The following SOX5 variants were observed in gnomAD, a reference collection of about 807,000 sequenced individuals.
The protein encoded by SOX5 is SRY-box transcription factor 5.
Under a neutral mutation model 92.0 loss-of-function variants are expected in SOX5, and 9 were observed. The ratio of observed to expected loss-of-function variants is 0.10; its 90% CI spans 0.06 to 0.17. SOX5 has a LOEUF of 0.17. Ranked by LOEUF, SOX5 falls within the 10% of genes least tolerant of loss-of-function variation. The pLI is 1.00. For synonymous variants in SOX5, 344 were observed against 336.3 expected, an observed-to-expected ratio of 1.02 and a Z score of -0.25; for missense variants, 642 against 944.5, an observed-to-expected ratio of 0.68 and a Z score of 4.20.
chr12:23,704,171 G>A (rs563182118), intron 6 of SOX5, among the ~76,000 whole-genome samples: 5 of 151,480 alleles, frequency 3.3e-5, no homozygotes, highest in South Asian at 2.1e-4. Context: ...ATCTTCTAAC[G>A]CTTGTGTGTG....
At chr12:24,458,155 T>C (rs1456798829) in intron 1 of SOX5, among the ~76,000 whole-genome samples, 1 of 152,196 alleles carries the variant, frequency 6.6e-6, no homozygotes, top group African/African-American at 2.4e-5. Context: ...CGCCTCAGTG[T>C]CTGTTTTTTT....
intron 4 of SOX5, among the ~76,000 whole-genome samples, chr12:24,095,140 GAGAGAGAGAGAGAGAGACAGAGAC>G (rs1945218415): frequency 1.4e-5 from 2 of 147,162 alleles, no homozygotes; most frequent in South Asian, 2.1e-4. Context: ...GAGAGAGAGA[GAGAGAGAGAGAGAGAGACAGAGAC>G]AGAGAGACAG....
chr12:24,164,108 G>A (rs2063354597), intron 4 of SOX5, among the ~76,000 whole-genome samples: 1 of 151,926 alleles, frequency 6.6e-6, no homozygotes, highest in African/African-American at 2.4e-5. Flanking sequence ...TCTATAGTGA[G>A]GAAATATTCC....
At position 23,842,353 on chromosome 12, in the gene SOX5, T is replaced by C. The variant is rs61923965; in HGVS notation, c.481+3630A>G. Among the ~76,000 whole-genome samples the C allele has an allele frequency of 5.3e-3, 800 of 152,188 alleles. 7 individuals are homozygous for C. The highest frequency in any genetic ancestry group is 0.029 in the South Asian group (138 of 4,828). ...TGCAATAATCCATGCAAAAAAGGAT[T>C]CCAGTTAGAGACATTAGTAAGAACT... On this transcript the variant is annotated intron_variant, in intron 3 of 14. Transcript: ENST00000451604.
intron 1 of SOX5, among the ~76,000 whole-genome samples, chr12:24,477,767 A>G (rs982033436): frequency 6.6e-6 from 1 of 152,060 alleles, no homozygotes; most frequent in Admixed American, 6.5e-5. Flanking sequence ...TTGTTTAGCT[A>G]TAAGTATTAT....
Position 24,187,399 on chromosome 12 carries a change from C to A in SOX5, c.-2+25944G>T, listed in dbSNP as rs980054009. Among the ~76,000 whole-genome samples, 2 of 152,132 alleles carry A rather than the reference C, an allele frequency of 1.3e-5. 1 individual carries two copies. Among genetic ancestry groups the A allele is most frequent in the South Asian group, 4.1e-4 (2 of 4,824 alleles). On this transcript the variant is annotated intron_variant, in intron 4 of 4. Coordinates refer to the SOX5 transcript ENST00000446891. ...AAATATCTGCAAAAATATTAAGATGCTGAAAGCAAGTTAACTTATAGAAAA... is the reference window on the plus strand; with the variant it reads ...AAATATCTGCAAAAATATTAAGATGATGAAAGCAAGTTAACTTATAGAAAA...
At chr12:24,385,804 T>C (rs1958329972) in intron 1 of SOX5, among the ~76,000 whole-genome samples, 1 of 151,534 alleles carries the variant, frequency 6.6e-6, no homozygotes, top group Non-Finnish European at 1.5e-5. Flanking sequence ...TGGTGGTGCA[T>C]TTCTATAGTC....
chr12:23,917,734 C>A (rs1246676299), intron 1 of SOX5, among the ~76,000 whole-genome samples: 2 of 152,058 alleles, frequency 1.3e-5, no homozygotes, highest in Admixed American at 6.6e-5. Context: ...TTGGACTAGT[C>A]GACCTTTCTG....
chr12:24,233,846 C>A (rs1165460086), intron 3 of SOX5, among the ~76,000 whole-genome samples: 1 of 152,214 alleles, frequency 6.6e-6, no homozygotes, highest in African/African-American at 2.4e-5. Flanking sequence ...ATAATAGAAT[C>A]ATGTGTCTTC....
intron 2 of SOX5, among the ~76,000 whole-genome samples, chr12:23,871,892 T>A (rs1595235950): frequency 1.3e-5 from 2 of 152,196 alleles, no homozygotes; most frequent in Non-Finnish European, 2.9e-5. Context: ...ATAGAGTTTC[T>A]CCCCAACTAT....
chr12:24,401,942 AT>A (rs1596317176), intron 1 of SOX5, among the ~76,000 whole-genome samples: 1 of 152,272 alleles, frequency 6.6e-6, no homozygotes, highest in East Asian at 1.9e-4. Context: ...TTTAGAATGT[AT>A]AACATAACTA....
intron 2 of SOX5, among the ~76,000 whole-genome samples, chr12:23,883,333 T>G (rs985000880): frequency 1.3e-5 from 2 of 152,122 alleles, no homozygotes; most frequent in African/African-American, 4.8e-5. Context: ...ACTGAATCAC[T>G]TAAAATGGGG....
At chr12:23,861,348 A>G (rs1329292731) in intron 2 of SOX5, among the ~76,000 whole-genome samples, 1 of 152,184 alleles carries the variant, frequency 6.6e-6, no homozygotes, top group Non-Finnish European at 1.5e-5. Context: ...ACTACAGGTG[A>G]CAGTATTTTC....
intron 4 of SOX5, among the ~76,000 whole-genome samples, chr12:24,205,696 C>T (rs1957954494): frequency 6.6e-6 from 1 of 152,146 alleles, no homozygotes; most frequent in Admixed American, 6.6e-5. Context: ...AGTAGGAAGG[C>T]AAGAAAAGGC....
At chr12:23,905,419 A>C (rs1284320353) in intron 1 of SOX5, among the ~76,000 whole-genome samples, 1 of 152,170 alleles carries the variant, frequency 6.6e-6, no homozygotes, top group East Asian at 1.9e-4. Flanking sequence ...TTCTAGTAAG[A>C]AGACTGTTTT....
chr12:23,850,998 C>T (rs1490738560), intron 2 of SOX5, among the ~76,000 whole-genome samples: 1 of 151,836 alleles, frequency 6.6e-6, no homozygotes, highest in Non-Finnish European at 1.5e-5. Context: ...GTATACCTGA[C>T]CTAAATATAT....
chr12:24,198,368 C>T (rs987200600), intron 4 of SOX5, among the ~76,000 whole-genome samples: 10 of 152,154 alleles, frequency 6.6e-5, no homozygotes, highest in Non-Finnish European at 1.3e-4. Context: ...ACTTCAAAGT[C>T]CTCTTTTTCA....
intron 13 of SOX5, among the ~76,000 whole-genome samples, chr12:23,541,686 T>C (rs1447079572): frequency 6.6e-6 from 1 of 152,250 alleles, no homozygotes; most frequent in Non-Finnish European, 1.5e-5. Context: ...TGCATGTTCA[T>C]GTCTTTTTAG....
At chr12:24,055,899 A>G (rs1958048421) in intron 4 of SOX5, among the ~76,000 whole-genome samples, 1 of 152,196 alleles carries the variant, frequency 6.6e-6, no homozygotes, top group South Asian at 2.1e-4. Context: ...CTGACCCTCC[A>G]TGAAGCCTAC....
Sources: gnomAD v4.1 joint callset for allele counts (sites outside exome capture counted in the v4.1 genomes callset) on GRCh38, gnomAD v4.1.1 for gene constraint, MANE v1.5 for transcripts, NCBI Gene and HGNC (gene_info 2026-07-23, HGNC 2026-07-21) for gene names.